PRKCB: variants seen among roughly 807,000 people sequenced by gnomAD.
PRKCB encodes the protein protein kinase C beta.
PRKCB carries 13 observed loss-of-function variants against 81.5 expected under a neutral mutation model. That is an observed-to-expected ratio of 0.16 (90% CI 0.10 to 0.25). PRKCB has a LOEUF of 0.25. PRKCB is among the 10% of genes least tolerant of loss of function. The pLI, the probability that PRKCB is intolerant of heterozygous loss-of-function variation, is 1.00. For missense variants in PRKCB, 509 were observed against 875.7 expected, an observed-to-expected ratio of 0.58 and a Z score of 5.29; for synonymous variants, 335 against 321.4, an observed-to-expected ratio of 1.04 and a Z score of -0.45.
chr16:24,174,784 G>A (rs902002804), intron 12 of PRKCB: 7 of 491,212 alleles, frequency 1.4e-5, no homozygotes, highest in Non-Finnish European at 2.2e-5. Context: ...AGAAAATCTC[G>A]GTGGACTGTG....
intron 3 of PRKCB, among the ~76,000 whole-genome samples, chr16:24,014,538 G>A (rs1965251256): frequency 6.6e-6 from 1 of 152,174 alleles, no homozygotes; most frequent in African/African-American, 2.4e-5. Context: ...GCAGTGACTT[G>A]CCCAAGATCA....
At chr16:24,003,533 C>G (rs1449416515) in intron 3 of PRKCB, among the ~76,000 whole-genome samples, 2 of 152,018 alleles carry the variant, frequency 1.3e-5, no homozygotes, top group African/African-American at 4.8e-5. Context: ...TACAGATGTG[C>G]ACCACCATAC....
intron 2 of PRKCB, chr16:23,869,292 G>A: frequency 3.2e-6 from 1 of 313,590 alleles, no homozygotes; most frequent in South Asian, 2.5e-5. Flanking sequence ...GTCCTGGGAT[G>A]GAAAAGACAC....
intron 3 of PRKCB, among the ~76,000 whole-genome samples, chr16:24,008,612 C>G (rs1306711725): frequency 6.6e-6 from 1 of 152,180 alleles, no homozygotes; most frequent in African/African-American, 2.4e-5. Context: ...ACGTCCCTCC[C>G]CATCCATCAA....
rs1968230629 is a variant in PRKCB at position 24,216,498 on chromosome 16, A to G, written c.*1682A>G. The G allele has an allele frequency of 2.0e-6, 2 of 985,278 alleles. No individual in the cohort carries two copies. Among genetic ancestry groups the G allele is most frequent in the Non-Finnish European group, 2.4e-6 (2 of 829,932 alleles). The allele number at this position is 985,278 out of a possible 1,614,324, so 61.0% of individuals were successfully genotyped here. On this transcript the variant is annotated 3_prime_UTR_variant, in exon 17 of 17. Coordinates refer to ENST00000643927, the MANE Select transcript of PRKCB (RefSeq NM_002738.7). The stretch of plus-strand genomic sequence containing the variant: ...TAAGGAGAATTCTTATCACAGTTCA[A>G]GTGATTTCCAGAAGTTCCAGGGCTT...
At chr16:23,861,125 T>C (rs560909370) in intron 2 of PRKCB, among the ~76,000 whole-genome samples, 2 of 152,260 alleles carry the variant, frequency 1.3e-5, no homozygotes, top group South Asian at 4.2e-4. Flanking sequence ...TAGCAAGTGT[T>C]ACTAGCTCTC....
intron 2 of PRKCB, among the ~76,000 whole-genome samples, chr16:23,917,292 G>A (rs539171939): frequency 2.6e-5 from 4 of 151,992 alleles, no homozygotes; most frequent in Non-Finnish European, 5.9e-5. Context: ...CATGTTGCCC[G>A]AGCTGGTCTC....
chr16:24,042,692 T>C (rs1388945757), intron 5 of PRKCB, among the ~76,000 whole-genome samples: 4 of 145,800 alleles, frequency 2.7e-5, no homozygotes, highest in Non-Finnish European at 6.1e-5. Context: ...TAGGGTTTCT[T>C]TTTTTTTTTT....
intron 9 of PRKCB, among the ~76,000 whole-genome samples, chr16:24,137,238 G>A (rs1567388170): frequency 6.6e-6 from 1 of 151,852 alleles, no homozygotes. Flanking sequence ...GCCTAGGCTG[G>A]AGTGCAGTGG....
At chr16:23,867,016 C>G (rs569234953) in intron 2 of PRKCB, among the ~76,000 whole-genome samples, 4 of 83,740 alleles carry the variant, frequency 4.8e-5, no homozygotes, top group Non-Finnish European at 9.8e-5. Context: ...TTCCTTCCTT[C>G]CTTCCTTCCT....
chr16:23,997,654 G>A (rs1386514878), intron 3 of PRKCB, among the ~76,000 whole-genome samples: 2 of 152,148 alleles, frequency 1.3e-5, no homozygotes, highest in African/African-American at 2.4e-5. Context: ...ATCATGTAAC[G>A]TAAGATGTAT....
At chr16:24,144,017 A>T (rs1966949511) in intron 9 of PRKCB, among the ~76,000 whole-genome samples, 1 of 152,216 alleles carries the variant, frequency 6.6e-6, no homozygotes, top group African/African-American at 2.4e-5. Flanking sequence ...TTCTAGAGAA[A>T]GCTTATTTTT....
At chr16:24,059,902 A>G (rs1209251631) in intron 5 of PRKCB, among the ~76,000 whole-genome samples, 1 of 152,182 alleles carries the variant, frequency 6.6e-6, no homozygotes, top group Admixed American at 6.5e-5. Context: ...GTGGCATAGT[A>G]GGAGTTAAGA....
chr16:24,043,462 T>C (rs1224460561), intron 5 of PRKCB, among the ~76,000 whole-genome samples: 1 of 152,200 alleles, frequency 6.6e-6, no homozygotes, highest in African/African-American at 2.4e-5. Flanking sequence ...AGTTAAATCA[T>C]ATCTGTCTAT....
At chr16:24,036,645 T>C (rs1965623670) in intron 5 of PRKCB, among the ~76,000 whole-genome samples, 1 of 152,132 alleles carries the variant, frequency 6.6e-6, no homozygotes, top group Non-Finnish European at 1.5e-5. Flanking sequence ...ATATAATTCT[T>C]TTAAACTTGA....
At chr16:23,928,214 C>T (rs954399290) in intron 2 of PRKCB, among the ~76,000 whole-genome samples, 5 of 152,012 alleles carry the variant, frequency 3.3e-5, no homozygotes, top group African/African-American at 9.7e-5. Flanking sequence ...CAACCTCCAC[C>T]TCCCAGGTTC....
chr16:23,849,167 C>G (rs1962429042), intron 2 of PRKCB, among the ~76,000 whole-genome samples: 1 of 152,244 alleles, frequency 6.6e-6, no homozygotes, highest in South Asian at 2.1e-4. Flanking sequence ...AATCTGTGAT[C>G]GCCCCATCGG....
At chr16:24,162,442 C>CTT (rs564543744) in intron 10 of PRKCB, among the ~76,000 whole-genome samples, 1,338 of 68,438 alleles carry the variant, frequency 0.02, 34 homozygotes, top group African/African-American at 0.035. Context: ...ACAGAGAAGA[C>CTT]TTTTTTTTTT....
intron 2 of PRKCB, among the ~76,000 whole-genome samples, chr16:23,984,676 G>A (rs1201135574): frequency 1.3e-5 from 2 of 152,170 alleles, no homozygotes; most frequent in African/African-American, 4.8e-5. Flanking sequence ...GAGAAAAGGT[G>A]TAATATCATC....
Sources: gnomAD v4.1 joint callset for allele counts (sites outside exome capture counted in the v4.1 genomes callset) on GRCh38, gnomAD v4.1.1 for gene constraint, MANE v1.5 for transcripts, NCBI Gene and HGNC (gene_info 2026-07-23, HGNC 2026-07-21) for gene names.